HTT: variants seen among roughly 807,000 people sequenced by gnomAD.
HTT encodes huntingtin, also known as huntington disease protein.
Under a neutral mutation model 362.3 loss-of-function variants are expected in HTT, and 104 were observed. That is an observed-to-expected ratio of 0.29 (90% CI 0.24 to 0.34). The LOEUF is 0.34. Ranked by LOEUF, HTT falls within the 10% of genes least tolerant of loss-of-function variation. HTT has a pLI of 1.00. For missense variants in HTT, 3,301 were observed against 3,928.6 expected (o/e 0.84, Z 4.27); for synonymous variants, 1,577 against 1,548.7 (o/e 1.02, Z -0.43).
At chr4:3,209,699 G>C (rs988481469) in intron 46 of HTT, 128 bp from the exon 47 acceptor site, 8 of 1,135,468 alleles carry the variant, frequency 7.0e-6, no homozygotes, top group Non-Finnish European at 1.0e-5. Flanking sequence ...GCCACAGCCT[G>C]CCGGCCGGCA....
intron 27 of HTT, among the ~76,000 whole-genome samples, chr4:3,155,515 G>A (rs145775073): frequency 3.9e-3 from 585 of 151,568 alleles, no homozygotes; most frequent in Middle Eastern, 6.8e-3. Flanking sequence ...ATGAGTCACT[G>A]TACCCGGCCT....
intron 61 of HTT, among the ~76,000 whole-genome samples, chr4:3,234,356 G>A (rs149338875): frequency 6.6e-6 from 1 of 152,380 alleles, no homozygotes; most frequent in Non-Finnish European, 1.5e-5. Context: ...GGCAGTGGGT[G>A]CTGTGCTAGC....
rs967505990 is a variant in HTT, at chr4:3,199,844, C to T, written c.5481C>T (p.Thr1827=). 1 of 1,614,080 alleles carries T rather than the reference C, an allele frequency of 6.2e-7. No homozygotes were observed. Among genetic ancestry groups the T allele is most frequent in the African/African-American group, 1.3e-5 (1 of 74,924 alleles). The change falls in exon 41 of 67, where the codon ACC becomes ACT. Residue 1827 remains threonine, a synonymous_variant. Transcript: ENST00000355072. ...SLNLRARSMI[T]THPALVLLWC... ...ACTTGCGGGCTCGTTCCATGATCAC[C>T]ACCCACCCGGCCCTGGTGCTGCTCT...
chr4:3,210,902 A>ATTTTTTTTTTT (rs1161511149), intron 47 of HTT, among the ~76,000 whole-genome samples: 16 of 92,756 alleles, frequency 1.7e-4, no homozygotes, highest in East Asian at 6.2e-4. Flanking sequence ...AAAATTGTTT[A>ATTTTTTTTTTT]TCTTTTTTTT....
At position 3,239,010 on chromosome 4, in the gene HTT, G is replaced by A. The variant is rs141241599; in HGVS notation, c.9215+32G>A. 8,531 of 1,575,482 alleles carry A rather than the reference G, an allele frequency of 5.4e-3. 59 individuals carry two copies. The highest frequency in any genetic ancestry group is 0.011 in the Middle Eastern group (65 of 5,990). On this transcript the variant is annotated intron_variant, in intron 66 of 66. Coordinates refer to ENST00000355072, the MANE Select transcript of HTT (RefSeq NM_001388492.1). ...TCTCTGGGTCCCTGGTGCTGGCCCCGTTTCCCTTGTCAACACCGAGGCTCA... is the reference window on the plus strand; with the variant it reads ...TCTCTGGGTCCCTGGTGCTGGCCCCATTTCCCTTGTCAACACCGAGGCTCA...
intron 18 of HTT, among the ~76,000 whole-genome samples, chr4:3,134,176 A>G (rs952948138): frequency 1.3e-5 from 2 of 152,182 alleles, no homozygotes; most frequent in Non-Finnish European, 2.9e-5. Context: ...GGAAGGAAGA[A>G]AGAACCAGTT....
At position 3,105,448 on chromosome 4, in the gene HTT, A is replaced by T; in HGVS notation, c.608+12A>T. ...CCTCAGAAATGCAGGTAAGTTGTAC[A>T]CTCTGGATGTTGGTTTTTGTCGGGG... On this transcript the variant is annotated intron_variant, in intron 5 of 66. Transcript: ENST00000355072. The T allele has an allele frequency of 6.3e-7, 1 of 1,589,336 alleles. No homozygotes were observed. The highest frequency in any genetic ancestry group is 2.2e-5 in the East Asian group (1 of 44,770).
At chr4:3,148,241 C>T (rs1716704191) in intron 26 of HTT, 34 bp downstream of exon 26, 1 of 1,450,740 alleles carries the variant, frequency 6.9e-7, no homozygotes, top group Admixed American at 2.2e-5. Context: ...ATTCATACAG[C>T]CTTAATGACT....
intron 2 of HTT, among the ~76,000 whole-genome samples, chr4:3,092,792 G>A (rs1239118581): frequency 6.6e-6 from 1 of 152,226 alleles, no homozygotes. Flanking sequence ...AACAAGGACA[G>A]CATTTATCTT....
intron 1 of HTT, among the ~76,000 whole-genome samples, chr4:3,075,648 A>AGGGGGGGGGGG (rs368641776): frequency 1.7e-4 from 9 of 54,334 alleles, no homozygotes; most frequent in East Asian, 4.6e-4. Context: ...GTGGCGGGGC[A>AGGGGGGGGGGG]GGGGGGGGGC....
In HTT at chr4:3,235,424, C is replaced by T. The variant is rs538625518; in HGVS notation, c.8571+26C>T. On this transcript the variant is annotated intron_variant, in intron 62 of 66. Coordinates refer to ENST00000355072, the MANE Select transcript of HTT (RefSeq NM_001388492.1). ...GTGAGTGGGCCCTGGCTGTCTTCCT[C>T]TGCACACGGGGAGTGGGCTTCCCTT... 6.5e-6 allele frequency: 10 copies of T among 1,533,902 alleles called. No homozygotes were observed. The South Asian group carries it at 1.0e-4, about 15-fold the overall frequency.
At chr4:3,096,830 C>A (rs566323095) in intron 2 of HTT, among the ~76,000 whole-genome samples, 9 of 152,174 alleles carry the variant, frequency 5.9e-5, no homozygotes, top group Non-Finnish European at 1.2e-4. Context: ...TCCAGAGTTA[C>A]CAGAAGGGCC....
intron 35 of HTT, among the ~76,000 whole-genome samples, chr4:3,179,129 G>A (rs553200985): frequency 2.0e-5 from 3 of 152,312 alleles, no homozygotes; most frequent in African/African-American, 7.2e-5. Context: ...ACTCCCAGAT[G>A]TGAGAATGGC....
rs1431840299 is a variant in HTT, at chr4:3,214,049, C to G, written c.6866C>G (p.Pro2289Arg). 6.2e-7 allele frequency: 1 copy of G among 1,610,192 alleles called. No individual in the cohort carries two copies. Among genetic ancestry groups the G allele is most frequent in the East Asian group, 2.2e-5 (1 of 44,524 alleles). Residue 2289 changes from proline to arginine, a missense_variant, in exon 50 of 67, where the codon CCT (proline) becomes CGT (arginine). Around this residue, in one of 4 missense-constraint regions of HTT, gnomAD observed 220 missense variants for 218.5 expected, o/e 1.01. Transcript: ENST00000355072. ...TGCTGCTGCCTGGCCCTGCAGCTGC[C>G]TGGCCTCTGGAGCGTGGTCTCCTCC... ...LDCCCLALQL[P>R]GLWSVVSSTE...
chr4:3,190,191 C>A (rs767778297), intron 40 of HTT, among the ~76,000 whole-genome samples: 21 of 151,436 alleles, frequency 1.4e-4, no homozygotes, highest in Middle Eastern at 6.8e-3. Flanking sequence ...CAAAGAAAAT[C>A]AAAAACTAGC....
rs778433118 is a variant in HTT, at chr4:3,187,710, G to A, written c.5049G>A (p.Leu1683=). ...GAATTCTGGCCATTTTGAGGGTTCTGATTTCCCAGTCAACTGAAGATATTG... is the reference window on the plus strand; with the variant it reads ...GAATTCTGGCCATTTTGAGGGTTCTAATTTCCCAGTCAACTGAAGATATTG... The part of the protein sequence containing the change: ...ISGILAILRV[L]ISQSTEDIVL... Residue 1683 remains leucine (L), a synonymous_variant, in exon 39 of 67, where the codon CTG becomes CTA. Coordinates refer to ENST00000355072, the MANE Select transcript of HTT (RefSeq NM_001388492.1). The A allele has an allele frequency of 1.9e-6, 3 of 1,614,024 alleles. No individual in the cohort carries two copies. Among genetic ancestry groups the A allele is most frequent in the Admixed American group, 1.7e-5 (1 of 60,002 alleles).
At chr4:3,175,643 T>A (rs1419015580) in intron 33 of HTT, among the ~76,000 whole-genome samples, 1 of 152,210 alleles carries the variant, frequency 6.6e-6, no homozygotes, top group Non-Finnish European at 1.5e-5. Flanking sequence ...ACGCTTCCCC[T>A]CTTGACTGCA....
At chr4:3,172,260 G>C in intron 29 of HTT, 60 bp from the exon 30 acceptor site, 1 of 931,842 alleles carries the variant, frequency 1.1e-6, no homozygotes, top group Non-Finnish European at 1.8e-6. Flanking sequence ...TTTCTGTCTA[G>C]GATTCGTACA....
At chr4:3,236,052 C>G (rs1721513501) in intron 63 of HTT, 97 bp from the exon 64 acceptor site, 2 of 912,508 alleles carry the variant, frequency 2.2e-6, no homozygotes, top group Admixed American at 3.5e-5. Context: ...GCTTTCAGAT[C>G]TCCAGGGACT....
Sources: allele counts gnomAD v4.1 joint callset (sites outside exome capture counted in the v4.1 genomes callset), GRCh38; gene constraint gnomAD v4.1.1; regional missense constraint gnomAD v4.1.1; transcripts MANE v1.5; gene names NCBI Gene and HGNC (gene_info 2026-07-23, HGNC 2026-07-21).